DRAM2: variants seen among roughly 807,000 people sequenced by gnomAD.
DRAM2 encodes the protein DNA damage-regulated autophagy modulator protein 2.
In DRAM2, 26 loss-of-function variants were observed where a neutral mutation model predicts 33.5. The ratio of observed to expected loss-of-function variants is 0.78; its 90% confidence interval spans 0.57 to 1.08. The LOEUF (loss-of-function observed/expected upper bound fraction) is 1.08. Ranked by LOEUF, DRAM2 falls within the 50% of genes least tolerant of loss-of-function variation. DRAM2 has a pLI of 0.00. For synonymous variants in DRAM2, 98 were observed against 109.5 expected, an observed-to-expected ratio of 0.89 and a Z score of 0.66; for missense variants, 311 against 318.1, an observed-to-expected ratio of 0.98 and a Z score of 0.17.
At chr1:111,129,003 C>T (rs868206753) in intron 4 of DRAM2, among the ~76,000 whole-genome samples, 1 of 152,124 alleles carries the variant, frequency 6.6e-6, no homozygotes, top group African/African-American at 2.4e-5. Context: ...GAATTGGAAC[C>T]TTAAATTCTA....
chr1:111,136,858 C>T (rs1011900389), intron 3 of DRAM2, among the ~76,000 whole-genome samples: 1 of 151,560 alleles, frequency 6.6e-6, no homozygotes, highest in Non-Finnish European at 1.5e-5. Flanking sequence ...CCTGTAGTCT[C>T]AGCTACTTGG....
At chr1:111,124,170 GCTCT>G (rs568675737) in intron 6 of DRAM2, among the ~76,000 whole-genome samples, 2 of 151,976 alleles carry the variant, frequency 1.3e-5, no homozygotes, top group Admixed American at 6.6e-5. Flanking sequence ...CTTTCCTACT[GCTCT>G]CTCTGTGGAG....
intron 5 of DRAM2, among the ~76,000 whole-genome samples, chr1:111,125,951 C>T (rs1650920293): frequency 1.3e-5 from 2 of 152,164 alleles, no homozygotes; most frequent in Admixed American, 6.5e-5. Flanking sequence ...AAGTCCACTA[C>T]AGTCCTCAAG....
intron 3 of DRAM2, among the ~76,000 whole-genome samples, chr1:111,135,265 G>A (rs1652936903): frequency 6.6e-6 from 1 of 152,166 alleles, no homozygotes; most frequent in South Asian, 2.1e-4. Context: ...ACCATGGAAT[G>A]GCACCCATTG....
At position 111,119,862 on chromosome 1, in the gene DRAM2, A is replaced by C; in HGVS notation, c.600+15T>G. The C allele has an allele frequency of 1.2e-6, 2 of 1,603,974 alleles. No homozygotes were observed. The highest frequency in any genetic ancestry group is 1.7e-6 in the Non-Finnish European group (2 of 1,171,684). On this transcript the variant is annotated intron_variant, in intron 8 of 9. Coordinates refer to ENST00000484310, the MANE Select transcript of DRAM2 (RefSeq NM_001349884.2). The stretch of plus-strand genomic sequence containing the variant: ...CTTTAATATAAAACTAAGTTTATAG[A>C]CTGTAAGTTCTTACTTTGTCCTCGG...
At chr1:111,121,630 A>G (rs1422656902) in intron 6 of DRAM2, among the ~76,000 whole-genome samples, 1 of 152,208 alleles carries the variant, frequency 6.6e-6, no homozygotes, top group African/African-American at 2.4e-5. Context: ...TTGTTTTAAA[A>G]GAAATTCAAT....
chr1:111,136,768 C>T (rs552881959), intron 3 of DRAM2, among the ~76,000 whole-genome samples: 55 of 152,106 alleles, frequency 3.6e-4, no homozygotes, highest in African/African-American at 1.2e-3. Context: ...TCAAAAGCCA[C>T]GTGTCACCAT....
At chr1:111,127,450 T>A (rs1323813493) in intron 4 of DRAM2, among the ~76,000 whole-genome samples, 1 of 151,700 alleles carries the variant, frequency 6.6e-6, no homozygotes, top group African/African-American at 2.4e-5. Context: ...TCCAATTCCA[T>A]GAGTCTTTCT....
chr1:111,139,771 G>A (rs1008403748), intron 1 of DRAM2, 105 bp from the exon 2 acceptor site: 1 of 152,474 alleles, frequency 6.6e-6, no homozygotes, highest in Non-Finnish European at 1.5e-5. Context: ...GGTAGGGCAC[G>A]GGGAGCTGAG....
Position 111,131,477 on chromosome 1 carries a change from T to G in DRAM2, c.78A>C (p.Ser26=). ...VIWTSAAFIF[S]YITAVTLHHI... ...GGTGGAGTGTTACTGCAGTAATGTA[T>G]GAAAATATGAAAGCAGCAGATGTCC... Residue 26 remains serine, a synonymous_variant, in exon 4 of 10, where the codon TCA becomes TCC. Transcript: ENST00000484310. 1.2e-6 allele frequency: 2 copies of G among 1,614,126 alleles called. No homozygotes were observed. Among genetic ancestry groups the G allele is most frequent in the South Asian group, 2.2e-5 (2 of 91,084 alleles).
At chr1:111,122,157 G>GTAT (rs986209166) in intron 6 of DRAM2, among the ~76,000 whole-genome samples, 1 of 152,094 alleles carries the variant, frequency 6.6e-6, no homozygotes, top group African/African-American at 2.4e-5. Flanking sequence ...CTCTTGAATT[G>GTAT]TATCTCTTTT....
chr1:111,134,963 T>G (rs1652873916), intron 3 of DRAM2, among the ~76,000 whole-genome samples: 1 of 152,214 alleles, frequency 6.6e-6, no homozygotes, highest in African/African-American at 2.4e-5. Flanking sequence ...AATTTGAACC[T>G]TGAATGAGTG....
In DRAM2 at chr1:111,118,898, C is replaced by T. The variant is rs746500019; in HGVS notation, c.601-1G>A. The T allele has an allele frequency of 6.3e-7, 1 of 1,596,468 alleles. No individual in the cohort carries two copies. The highest frequency in any genetic ancestry group is 8.5e-7 in the Non-Finnish European group (1 of 1,170,206). On this transcript the variant is annotated splice_acceptor_variant, in intron 8 of 9. Transcript: ENST00000484310. LOFTEE classifies it high-confidence loss of function. ...TAGTGATCATGTGAAGCACATAACC[C>T]TGAGTGATGGGAAAAAAAGAATAGT...
intron 6 of DRAM2, among the ~76,000 whole-genome samples, chr1:111,123,872 T>C (rs537010250): frequency 1.3e-5 from 2 of 152,308 alleles, no homozygotes; most frequent in African/African-American, 4.8e-5. Flanking sequence ...CCTGCTTTGC[T>C]TTCCATCATG....
intron 3 of DRAM2, among the ~76,000 whole-genome samples, chr1:111,132,780 C>T (rs1185565562): frequency 6.6e-6 from 1 of 151,114 alleles, no homozygotes; most frequent in African/African-American, 2.4e-5. Context: ...CTCCCTGGCT[C>T]AAGTGATCCT....
At position 111,124,837 on chromosome 1, in the gene DRAM2, T is replaced by C. The variant is rs773033034; in HGVS notation, c.244A>G (p.Ser82Gly). 6.2e-7 allele frequency: 1 copy of C among 1,613,404 alleles called. No homozygotes were observed. The highest frequency in any genetic ancestry group is 1.1e-5 in the South Asian group (1 of 91,056). The change falls in exon 6 of 10, where the codon AGT becomes GGT. Residue 82 changes from serine to glycine, a missense_variant. Coordinates refer to ENST00000484310, the MANE Select transcript of DRAM2 (RefSeq NM_001349884.2). ...YVRYKQVHAL[S>G]PEENVIIKLN... ...TTGATGATAACGTTCTCTTCAGGAC[T>C]CAGAGCATGAACTTGCTTATAACGA...
Position 111,120,505 on chromosome 1 carries a change from G to C in DRAM2, c.517+11C>G, listed in dbSNP as rs1305159523. ...TTTCCAAGTGTAGCCACATTGTACA[G>C]TGAAGGATACTGCTAAGTGCACTTA... On this transcript the variant is annotated intron_variant, in intron 7 of 9. Transcript: ENST00000484310. 1.3e-6 allele frequency: 2 copies of C among 1,561,754 alleles called. No individual in the cohort carries two copies. Among genetic ancestry groups the C allele is most frequent in the African/African-American group, 1.4e-5 (1 of 72,464 alleles).
rs1649270205 is a variant in DRAM2, at chr1:111,118,105, A to C, written c.*55T>G. ...AGAGAAGAATAAGCAACTTCTGTGA[A>C]CCTTTCCCCAATCCCTGAGAATCAT... On this transcript the variant is annotated 3_prime_UTR_variant, in exon 10 of 10. Coordinates refer to ENST00000484310, the MANE Select transcript of DRAM2 (RefSeq NM_001349884.2). 1 of 1,554,702 alleles carries C rather than the reference A, an allele frequency of 6.4e-7. No individual in the cohort carries two copies. The highest frequency in any genetic ancestry group is 1.4e-5 in the African/African-American group (1 of 73,574).
intron 6 of DRAM2, among the ~76,000 whole-genome samples, chr1:111,122,229 T>C (rs1198344123): frequency 6.6e-6 from 1 of 152,214 alleles, no homozygotes; most frequent in East Asian, 1.9e-4. Flanking sequence ...ATGAGATGTA[T>C]ATACGTTTCC....
Sources: allele counts gnomAD v4.1 joint callset (sites outside exome capture counted in the v4.1 genomes callset), GRCh38; gene constraint gnomAD v4.1.1; transcripts MANE v1.5; gene names NCBI Gene and HGNC (gene_info 2026-07-23, HGNC 2026-07-21).